Variants in PTPN14 observed in about 807,000 individuals in gnomAD.
The protein encoded by PTPN14 is tyrosine-protein phosphatase non-receptor type 14.
Under a neutral mutation model 126.8 loss-of-function variants are expected in PTPN14, and 53 were observed. That is an observed-to-expected ratio of 0.42 (90% CI 0.34 to 0.53). PTPN14 has a LOEUF of 0.53. PTPN14 is among the 20% of genes least tolerant of loss of function. The pLI, the probability that PTPN14 is intolerant of heterozygous loss-of-function variation, is 0.08. For synonymous variants in PTPN14, 630 were observed against 599.3 expected, an observed-to-expected ratio of 1.05 and a Z score of -0.75; for missense variants, 1,257 against 1,552.9, an observed-to-expected ratio of 0.81 and a Z score of 3.20.
intron 1 of PTPN14, among the ~76,000 whole-genome samples, chr1:214,468,558 C>CA (rs200822317): frequency 6.2e-5 from 9 of 144,268 alleles, no homozygotes; most frequent in Non-Finnish European, 1.1e-4. Context: ...CTCTCAAAAA[C>CA]AAAAAAAAGA....
chr1:214,376,061 C>T (rs968322181), intron 15 of PTPN14, among the ~76,000 whole-genome samples, 158 bp downstream of exon 15: 2 of 152,140 alleles, frequency 1.3e-5, no homozygotes, highest in Admixed American at 1.3e-4. Context: ...CATGCCCTTC[C>T]ACTTGACTAA....
chr1:214,533,860 G>A (rs1655627919), intron 1 of PTPN14, among the ~76,000 whole-genome samples: 1 of 147,478 alleles, frequency 6.8e-6, no homozygotes, highest in African/African-American at 2.5e-5. Context: ...AAAAAAAAGA[G>A]AGAGAAAAAG....
chr1:214,443,757 C>T (rs1415289525), intron 3 of PTPN14, among the ~76,000 whole-genome samples: 1 of 152,148 alleles, frequency 6.6e-6, no homozygotes. Context: ...CACTTCTGAG[C>T]ATGGGGTACT....
intron 1 of PTPN14, among the ~76,000 whole-genome samples, chr1:214,518,463 T>C (rs1035969039): frequency 5.3e-5 from 8 of 152,258 alleles, no homozygotes; most frequent in Admixed American, 2.0e-4. Flanking sequence ...ATTCCAAATA[T>C]AGGCTTTTGT....
intron 2 of PTPN14, among the ~76,000 whole-genome samples, chr1:214,454,716 T>C (rs1482506556): frequency 6.6e-6 from 1 of 152,184 alleles, no homozygotes; most frequent in Admixed American, 6.5e-5. Context: ...ACCTAATTCA[T>C]GGCATAAATT....
chr1:214,546,182 C>T (rs1484737658), intron 1 of PTPN14, among the ~76,000 whole-genome samples: 1 of 152,146 alleles, frequency 6.6e-6, no homozygotes, highest in African/African-American at 2.4e-5. Context: ...GAGCATCACC[C>T]AGGAGCTCTT....
intron 4 of PTPN14, among the ~76,000 whole-genome samples, chr1:214,412,266 T>G: frequency 6.6e-6 from 1 of 152,336 alleles, no homozygotes; most frequent in South Asian, 2.1e-4. Context: ...TTCCCTGTTT[T>G]CATGTCACCG....
intron 1 of PTPN14, among the ~76,000 whole-genome samples, chr1:214,544,068 G>A (rs1003915302): frequency 6.6e-6 from 1 of 152,064 alleles, no homozygotes; most frequent in African/African-American, 2.4e-5. Context: ...GAGATAGGAA[G>A]GTAAACAAGC....
At chr1:214,363,175 G>A (rs1431513244) in intron 18 of PTPN14, among the ~76,000 whole-genome samples, 4 of 152,170 alleles carry the variant, frequency 2.6e-5, no homozygotes, top group South Asian at 2.1e-4. Context: ...TGAACATTTC[G>A]CTCAAGCTTT....
At chr1:214,467,744 G>A (rs1454621906) in intron 1 of PTPN14, among the ~76,000 whole-genome samples, 1 of 152,176 alleles carries the variant, frequency 6.6e-6, no homozygotes, top group Non-Finnish European at 1.5e-5. Context: ...ACTGAAAATG[G>A]TGTATCAGGA....
chr1:214,378,303 T>TCTTAATTAACTC (rs1658392060), intron 13 of PTPN14, among the ~76,000 whole-genome samples: 1 of 152,188 alleles, frequency 6.6e-6, no homozygotes, highest in African/African-American at 2.4e-5. Flanking sequence ...GAGCTTTTAT[T>TCTTAATTAACTC]CTTAATTAAC....
intron 3 of PTPN14, among the ~76,000 whole-genome samples, chr1:214,439,888 C>T (rs1239840902): frequency 6.6e-6 from 1 of 152,198 alleles, no homozygotes; most frequent in East Asian, 1.9e-4. Context: ...CCACTCTCTA[C>T]ATAATGCTCG....
chr1:214,431,529 T>C (rs1409714358), intron 3 of PTPN14, among the ~76,000 whole-genome samples: 1 of 152,232 alleles, frequency 6.6e-6, no homozygotes, highest in African/African-American at 2.4e-5. Context: ...TCTGTCTGAC[T>C]GTAAAGCCTG....
chr1:214,544,061 A>G (rs1050836710), intron 1 of PTPN14, among the ~76,000 whole-genome samples: 2 of 152,130 alleles, frequency 1.3e-5, no homozygotes, highest in Non-Finnish European at 2.9e-5. Context: ...AGTAGAGGAG[A>G]TAGGAAGGTA....
At chr1:214,527,386 G>A (rs1372225305) in intron 1 of PTPN14, among the ~76,000 whole-genome samples, 11 of 152,036 alleles carry the variant, frequency 7.2e-5, no homozygotes, top group Non-Finnish European at 1.6e-4. Context: ...ATTCTCAAGG[G>A]GACTCAGCTC....
chr1:214,529,209 C>CT, intron 1 of PTPN14: 1 of 152,172 alleles, frequency 6.6e-6, no homozygotes, highest in Non-Finnish European at 1.5e-5. Flanking sequence ...CCCAGATACA[C>CT]AGGAAGCTGA....
At chr1:214,405,347 C>A (rs1291367020) in intron 5 of PTPN14, among the ~76,000 whole-genome samples, 4 of 152,132 alleles carry the variant, frequency 2.6e-5, no homozygotes. Context: ...TGATCCTTGT[C>A]TCCCACCCTC....
chr1:214,448,292 G>C (rs866815112), intron 3 of PTPN14, among the ~76,000 whole-genome samples: 2 of 152,044 alleles, frequency 1.3e-5, no homozygotes, highest in East Asian at 1.9e-4. Context: ...GTGCAGTGGC[G>C]CGATCTCGGC....
chr1:214,415,524 G>A (rs141111416), intron 3 of PTPN14, among the ~76,000 whole-genome samples: 370 of 152,260 alleles, frequency 2.4e-3, no homozygotes, highest in Admixed American at 5.0e-3. Context: ...ATTAATTCCT[G>A]GTAAATGCTA....
Sources: allele counts gnomAD v4.1 joint callset (sites outside exome capture counted in the v4.1 genomes callset), GRCh38; gene constraint gnomAD v4.1.1; transcripts MANE v1.5; gene names NCBI Gene and HGNC (gene_info 2026-07-23, HGNC 2026-07-21).